VPS39: variants seen among roughly 807,000 people sequenced by gnomAD.
The protein encoded by VPS39 is vam6/Vps39-like protein.
A neutral mutation model predicts 121.0 loss-of-function variants in VPS39; 70 were observed. That is an observed-to-expected ratio of 0.58 (90% confidence interval 0.48 to 0.71). The LOEUF is 0.71. Ranked by LOEUF, VPS39 falls within the 30% of genes least tolerant of loss-of-function variation. The pLI, the probability that VPS39 is intolerant of heterozygous loss-of-function variation, is 0.00. For synonymous variants in VPS39, 378 were observed against 398.1 expected, an observed-to-expected ratio of 0.95 and a Z score of 0.60; for missense variants, 818 against 1,051.5, an observed-to-expected ratio of 0.78 and a Z score of 3.07.
At chr15:42,167,669 A>G in intron 12 of VPS39, 132 bp from the exon 13 acceptor site, 3 of 1,161,266 alleles carry the variant, frequency 2.6e-6, no homozygotes, top group Non-Finnish European at 3.6e-6. Context: ...TTCGATTTTT[A>G]GCACTGCCAA....
intron 4 of VPS39, among the ~76,000 whole-genome samples, chr15:42,189,454 C>T (rs902509670): frequency 4.6e-5 from 7 of 152,052 alleles, no homozygotes; most frequent in African/African-American, 1.2e-4. Context: ...CTTGGCCCGG[C>T]ATGGTGGCTC....
In VPS39 at chr15:42,192,118, G is replaced by C. The variant is rs771861930; in HGVS notation, c.140-558C>G. ...CTGGCACTGTTACAAAAAAGGGGAA[G>C]AAAGTTATATACCATAAAAACATGT... On this transcript the variant is annotated intron_variant, in intron 2 of 24. Coordinates refer to ENST00000318006, the MANE Select transcript of VPS39 (RefSeq NM_015289.5). 2.0e-6 allele frequency: 3 copies of C among 1,536,286 alleles called. No homozygotes were observed. The East Asian group carries it at 7.3e-5, about 38-fold the overall frequency.
intron 8 of VPS39, 153 bp from the exon 9 acceptor site, chr15:42,178,723 G>T (rs1482076105): frequency 3.5e-6 from 4 of 1,127,352 alleles, no homozygotes; most frequent in Non-Finnish European, 4.8e-6. Flanking sequence ...GATTCAGAAA[G>T]AAAGAAAAAA....
Position 42,173,732 on chromosome 15 carries a change from G to C in VPS39, c.1081C>G (p.Leu361Val). The change falls in exon 11 of 25, where the codon CTT becomes GTT. Residue 361 changes from leucine to valine, a missense_variant. Leu to Val is a conservative substitution (Grantham distance 32, BLOSUM62 1). Transcript: ENST00000318006. ...CCTCACCACTTGTTACCTGTGCCAA[G>C]TTTAGCAAAGACCTGCATGGACTCA... ...FDESMQVFAK[L>V]GTDPTHVMGL... The C allele has an allele frequency of 6.2e-7, 1 of 1,614,002 alleles. No homozygotes were observed. The highest frequency in any genetic ancestry group is 8.5e-7 in the Non-Finnish European group (1 of 1,179,920).
chr15:42,169,635 A>G (rs2049309010), intron 12 of VPS39, 89 bp downstream of exon 12: 1 of 1,426,760 alleles, frequency 7.0e-7, no homozygotes, highest in Non-Finnish European at 9.4e-7. Context: ...CTGCCTTGGC[A>G]TTAGAGAAGG....
chr15:42,198,536 T>C (rs1467012929), intron 2 of VPS39, among the ~76,000 whole-genome samples: 2 of 152,134 alleles, frequency 1.3e-5, no homozygotes, highest in Non-Finnish European at 2.9e-5. Flanking sequence ...AGACAGGGTG[T>C]TGCCATGTTG....
chr15:42,175,411 A>G (rs866184899), intron 10 of VPS39, among the ~76,000 whole-genome samples: 2,086 of 147,050 alleles, frequency 0.014, 45 homozygotes, highest in African/African-American at 0.049. Flanking sequence ...TGTCTCGGGA[A>G]AAAAAAAAAA....
rs1051135271 is a variant in VPS39, at chr15:42,160,382, T to C, written c.*372A>G. 4 of 255,492 alleles carry C rather than the reference T, an allele frequency of 1.6e-5. No homozygotes were observed. The South Asian group carries it at 1.7e-4, about 11-fold the overall frequency. 15.8% of individuals were successfully genotyped at this position (255,492 alleles called of 1,614,324 possible). On this transcript the variant is annotated 3_prime_UTR_variant, in exon 25 of 25. Transcript: ENST00000318006. ...ATGCTGAGCGGTCCTTGTGAAGTCA[T>C]GTACTTAATAGAAAAGCCCTTGATG...
Position 42,163,658 on chromosome 15 carries a change from G to A in VPS39, c.2097C>T (p.Val699=), listed in dbSNP as rs759586080. The stretch of plus-strand genomic sequence containing the variant: ...CCATCCTTGTATCCTTCAAGATGTG[G>A]ACATAAATGAAAAGAGCTTGTTCAT... ...GKHEQALFIY[V]HILKDTRMAE... The change falls in exon 20 of 25, where the codon GTC becomes GTT. Residue 699 remains valine (V), a synonymous_variant. Coordinates refer to ENST00000318006, the MANE Select transcript of VPS39 (RefSeq NM_015289.5). 3 of 1,613,990 alleles carry A rather than the reference G, an allele frequency of 1.9e-6. No homozygotes were observed. The Admixed American group carries it at 5.0e-5, about 27-fold the overall frequency.
chr15:42,163,273 C>A, intron 21 of VPS39, 77 bp downstream of exon 21: 1 of 1,543,454 alleles, frequency 6.5e-7, no homozygotes, highest in South Asian at 1.1e-5. Context: ...TTCTGCCACT[C>A]ATATTATTGC....
rs965339214 is a variant in VPS39 at position 42,167,034 on chromosome 15, C to T, written c.1378-121G>A. 1.4e-4 allele frequency: 198 copies of T among 1,417,636 alleles called. 1 individual carries two copies. In the Middle Eastern group the frequency reaches 2.8e-3, roughly 20 times the overall value. 87.8% of individuals were successfully genotyped at this position (1,417,636 alleles called of 1,614,324 possible). On this transcript the variant is annotated intron_variant, in intron 13 of 24. Transcript: ENST00000318006. ...AGCACAAGCAAGAGAAAGCAGACAG[C>T]CCTCTTTCAGGACAGCAGGTAGAGG...
intron 4 of VPS39, among the ~76,000 whole-genome samples, chr15:42,190,416 C>T (rs554399381): frequency 5.9e-5 from 9 of 152,140 alleles, no homozygotes; most frequent in Non-Finnish European, 7.4e-5. Context: ...GGGTCAACAG[C>T]GCAAAGTGTG....
At chr15:42,178,791 C>T (rs779192056) in intron 8 of VPS39, 65 of 543,412 alleles carry the variant, frequency 1.2e-4, no homozygotes, top group South Asian at 7.0e-4. Context: ...TCACGTAGGC[C>T]GGAAGTTTGA....
chr15:42,207,216 T>C lies in VPS39; in HGVS notation c.73+865A>G, dbSNP rs1429238316. On this transcript the variant is annotated intron_variant, in intron 1 of 24. Transcript: ENST00000318006. ...TCATGGTTACCTATCTAGCTCAGTA[T>C]AAGATCTGATTAAGGGATCTGAATC... 3.9e-5 allele frequency among the ~76,000 whole-genome samples: 6 copies of C among 152,326 alleles called. No individual in the cohort carries two copies. The East Asian group carries it at 1.2e-3, about 29-fold the overall frequency.
intron 4 of VPS39, 85 bp from the exon 5 acceptor site, chr15:42,189,293 T>C: frequency 9.5e-7 from 1 of 1,048,000 alleles, no homozygotes; most frequent in Middle Eastern, 2.8e-4. Flanking sequence ...GTAACTGTGT[T>C]AACATCTAGA....
chr15:42,207,065 C>A (rs944900300), intron 1 of VPS39, among the ~76,000 whole-genome samples: 1 of 152,266 alleles, frequency 6.6e-6, no homozygotes, highest in Non-Finnish European at 1.5e-5. Flanking sequence ...TGCACATTAA[C>A]ATGAAAATTC....
intron 1 of VPS39, among the ~76,000 whole-genome samples, chr15:42,205,498 G>A (rs2050149658): frequency 6.6e-6 from 1 of 152,202 alleles, no homozygotes; most frequent in Non-Finnish European, 1.5e-5. Flanking sequence ...TGTGCTTTGT[G>A]CATTGATGGA....
At chr15:42,162,641 C>T (rs2049154875) in intron 21 of VPS39, 160 bp from the exon 22 acceptor site, 2 of 785,512 alleles carry the variant, frequency 2.5e-6, no homozygotes, top group Non-Finnish European at 3.6e-6. Context: ...TAAGGTCAAA[C>T]AGGCAACTGA....
intron 5 of VPS39, 152 bp downstream of exon 5, chr15:42,188,962 T>C (rs2049763533): frequency 1.7e-6 from 1 of 596,686 alleles, no homozygotes; most frequent in Non-Finnish European, 2.9e-6. Context: ...CAAGACTCCA[T>C]CTCAGGAAAA....
Sources: allele counts gnomAD v4.1 joint callset (sites outside exome capture counted in the v4.1 genomes callset), GRCh38; gene constraint gnomAD v4.1.1; transcripts MANE v1.5; gene names NCBI Gene and HGNC (gene_info 2026-07-23, HGNC 2026-07-21).